Variants in VWA3B observed in about 807,000 individuals in gnomAD.
The protein encoded by VWA3B is von Willebrand factor A domain containing 3B.
A neutral mutation model predicts 158.3 loss-of-function variants in VWA3B; 138 were observed. The observed-to-expected ratio is 0.87, with a 90% CI of 0.76 to 1.00. The LOEUF (loss-of-function observed/expected upper bound fraction) is 1.00, where lower values mean the gene tolerates loss of function less well. VWA3B is among the 50% of genes least tolerant of loss of function. The probability of loss-of-function intolerance (pLI) is 0.00; values close to 1 mark genes in which losing one functional copy is unlikely to be tolerated. For synonymous variants in VWA3B, 596 were observed against 587.3 expected (o/e 1.01, Z -0.21); for missense variants, 1,555 against 1,565.1 (o/e 0.99, Z 0.11).
At chr2:98,309,948 C>T (rs1226174170) in intron 26 of VWA3B, among the ~76,000 whole-genome samples, 1 of 152,144 alleles carries the variant, frequency 6.6e-6, no homozygotes. Context: ...TAGAAGGACA[C>T]GTGCCGTTGC....
At chr2:98,260,613 G>C (rs1271888212) in intron 21 of VWA3B, among the ~76,000 whole-genome samples, 2 of 151,670 alleles carry the variant, frequency 1.3e-5, no homozygotes, top group East Asian at 3.9e-4. Context: ...GCTTCCATAG[G>C]GGGTGCTAGA....
intron 7 of VWA3B, among the ~76,000 whole-genome samples, chr2:98,147,838 T>C (rs1677292021): frequency 6.6e-6 from 1 of 152,004 alleles, no homozygotes; most frequent in East Asian, 1.9e-4. Context: ...CTCCTAATGC[T>C]ATCACTCCCC....
At chr2:98,097,329 CACTT>C (rs1193254703) in intron 2 of VWA3B, among the ~76,000 whole-genome samples, 1 of 152,182 alleles carries the variant, frequency 6.6e-6, no homozygotes, top group Non-Finnish European at 1.5e-5. Flanking sequence ...GCTTAGATCT[CACTT>C]ATAAGTAAAA....
intron 7 of VWA3B, among the ~76,000 whole-genome samples, chr2:98,155,417 C>T (rs113686499): frequency 2.8e-4 from 43 of 152,282 alleles, no homozygotes; most frequent in African/African-American, 8.7e-4. Flanking sequence ...TCCAGTGTGG[C>T]GGTGGGGAGC....
intron 21 of VWA3B, chr2:98,269,600 A>G (rs1157058828): frequency 6.6e-6 from 1 of 152,170 alleles, no homozygotes; most frequent in South Asian, 2.1e-4. Context: ...GCTTTCTTCC[A>G]ATTGCATCAC....
intron 7 of VWA3B, among the ~76,000 whole-genome samples, chr2:98,140,791 A>G (rs1252639192): frequency 6.6e-6 from 1 of 152,210 alleles, no homozygotes; most frequent in East Asian, 1.9e-4. Flanking sequence ...AAATATTAAT[A>G]TTCATCTTAC....
At chr2:98,109,764 C>T (rs760640438) in intron 2 of VWA3B, among the ~76,000 whole-genome samples, 12 of 150,812 alleles carry the variant, frequency 8.0e-5, no homozygotes, top group Middle Eastern at 3.4e-3. Context: ...AAGAATTTCA[C>T]CAGATGTAAG....
At position 98,217,834 on chromosome 2, in the gene VWA3B, T is replaced by G. The variant is rs1684156208; in HGVS notation, c.1837-12T>G. The G allele has an allele frequency of 1.3e-6, 2 of 1,566,638 alleles. No homozygotes were observed. Among genetic ancestry groups the G allele is most frequent in the East Asian group, 2.3e-5 (1 of 43,398 alleles). ...ATCTCCCTTCCCCCATCCCCAAAAC[T>G]TATCGTTTCAGCCACCTGAAACAGT... On this transcript the variant is annotated splice_polypyrimidine_tract_variant and intron_variant, in intron 13 of 27. Coordinates refer to ENST00000477737, the MANE Select transcript of VWA3B (RefSeq NM_144992.5).
At chr2:98,192,134 GC>G (rs943776362) in intron 10 of VWA3B, 4 of 152,264 alleles carry the variant, frequency 2.6e-5, no homozygotes, top group African/African-American at 9.6e-5. Flanking sequence ...ACGGCAGTCA[GC>G]CAGATTAGAA....
intron 8 of VWA3B, among the ~76,000 whole-genome samples, chr2:98,170,809 G>A (rs1348827992): frequency 1.3e-5 from 2 of 152,036 alleles, no homozygotes; most frequent in Non-Finnish European, 2.9e-5. Context: ...ATTTCACTGT[G>A]TTGGCCAGGA....
Position 98,312,580 on chromosome 2 carries a change from C to CT in VWA3B, c.*232dup. 1 of 502,390 alleles carries CT rather than the reference C, an allele frequency of 2.0e-6. No homozygotes were observed. 31.1% of individuals were successfully genotyped at this position (502,390 alleles called of 1,614,324 possible). On this transcript the variant is annotated 3_prime_UTR_variant, in exon 28 of 28. Coordinates refer to ENST00000477737, the MANE Select transcript of VWA3B (RefSeq NM_144992.5). Reference sequence around the variant, plus strand: ...GACTGTTCTTTATCCTGTTTTCCCCCTGCACTCACAAAATTGTATTCCATC... The same window carrying CT: ...GACTGTTCTTTATCCTGTTTTCCCCCTTGCACTCACAAAATTGTATTCCATC...
chr2:98,177,009 G>A (rs1244103207), intron 8 of VWA3B, among the ~76,000 whole-genome samples: 1 of 152,192 alleles, frequency 6.6e-6, no homozygotes, highest in Non-Finnish European at 1.5e-5. Context: ...ATTCAGTGGA[G>A]GAGGCTGGGA....
the VWA3B span, among the ~76,000 whole-genome samples, chr2:98,322,900 A>G: frequency 6.6e-6 from 1 of 152,172 alleles, no homozygotes; most frequent in African/African-American, 2.4e-5. Context: ...ATTACAAGAG[A>G]AAAAAGTTTG....
chr2:98,124,910 A>G (rs1269050790), intron 5 of VWA3B, among the ~76,000 whole-genome samples: 2 of 152,212 alleles, frequency 1.3e-5, no homozygotes, highest in East Asian at 1.9e-4. Flanking sequence ...CCCAGATAGA[A>G]TAAGGAATTT....
intron 21 of VWA3B, among the ~76,000 whole-genome samples, chr2:98,266,332 G>T (rs1397535861): frequency 1.3e-5 from 2 of 150,930 alleles, no homozygotes; most frequent in Non-Finnish European, 3.0e-5. Context: ...TTTTTCTCAG[G>T]TTTGTCAAAG....
chr2:98,269,147 T>C (rs1688048156), intron 21 of VWA3B, among the ~76,000 whole-genome samples: 1 of 152,170 alleles, frequency 6.6e-6, no homozygotes, highest in Non-Finnish European at 1.5e-5. Context: ...TTATGATATT[T>C]AGTTGATAAT....
In VWA3B at chr2:98,181,010, C is replaced by A. The variant is rs946241001; in HGVS notation, c.1115-6C>A. The A allele has an allele frequency of 6.2e-7, 1 of 1,613,512 alleles. No individual in the cohort carries two copies. Among genetic ancestry groups the A allele is most frequent in the Non-Finnish European group, 8.5e-7 (1 of 1,179,580 alleles). ...TATGAATGGCTGACAAGCTGTGATT[C>A]TACAGAGTCAGAAACAACCTCTGTT... On this transcript the variant is annotated splice_polypyrimidine_tract_variant and splice_region_variant and intron_variant, in intron 8 of 27. Coordinates refer to ENST00000477737, the MANE Select transcript of VWA3B (RefSeq NM_144992.5).
intron 7 of VWA3B, among the ~76,000 whole-genome samples, chr2:98,156,336 G>A (rs1210484005): frequency 6.6e-6 from 1 of 152,168 alleles, no homozygotes; most frequent in Admixed American, 6.5e-5. Flanking sequence ...AAGATAATTA[G>A]CCTCCTAGAA....
intron 19 of VWA3B, among the ~76,000 whole-genome samples, chr2:98,244,019 C>G (rs1029717929): frequency 6.6e-6 from 1 of 152,164 alleles, no homozygotes; most frequent in African/African-American, 2.4e-5. Flanking sequence ...ACACTAGTTT[C>G]TCAATTTCAA....
Sources: allele counts gnomAD v4.1 joint callset (sites outside exome capture counted in the v4.1 genomes callset), GRCh38; gene constraint gnomAD v4.1.1; transcripts MANE v1.5; gene names NCBI Gene and HGNC (gene_info 2026-07-23, HGNC 2026-07-21).